The following TMEM266 variants were observed in gnomAD, a reference collection of about 807,000 sequenced individuals.
The protein encoded by TMEM266 is transmembrane protein 266.
Under a neutral mutation model 50.5 loss-of-function variants are expected in TMEM266, and 33 were observed. The ratio of observed to expected loss-of-function variants is 0.65; its 90% CI spans 0.50 to 0.87. The LOEUF is 0.87. Among genes scored for constraint, TMEM266 ranks in the 40% least tolerant of loss-of-function variants. TMEM266 has a pLI of 0.00. For synonymous variants in TMEM266, 310 were observed against 292.3 expected (o/e 1.06, Z -0.62); for missense variants, 655 against 695.1 (o/e 0.94, Z 0.65).
chr15:76,196,807 C>T (rs543546935), intron 9 of TMEM266, among the ~76,000 whole-genome samples: 11 of 152,292 alleles, frequency 7.2e-5, no homozygotes, highest in African/African-American at 1.2e-4. Context: ...AGTCAGACAA[C>T]GCCAAGCAGC....
intron 1 of TMEM266, among the ~76,000 whole-genome samples, chr15:76,095,043 G>A (rs1448983624): frequency 1.3e-5 from 2 of 151,994 alleles, no homozygotes; most frequent in African/African-American, 4.8e-5. Context: ...TAACTATACA[G>A]TCATGTCATC....
At chr15:76,080,186 G>T (rs2036665728) in intron 1 of TMEM266, among the ~76,000 whole-genome samples, 1 of 148,722 alleles carries the variant, frequency 6.7e-6, no homozygotes, top group Non-Finnish European at 1.5e-5. Context: ...GGCCAATGTG[G>T]TGAAACCCCG....
chr15:76,191,130 T>G (rs1298501155), intron 8 of TMEM266, among the ~76,000 whole-genome samples: 1 of 152,208 alleles, frequency 6.6e-6, no homozygotes, highest in Non-Finnish European at 1.5e-5. Context: ...TTAAAATGTG[T>G]GCAGCTTTTA....
At chr15:76,200,312 T>C (rs1228934769) in intron 9 of TMEM266, among the ~76,000 whole-genome samples, 2 of 152,184 alleles carry the variant, frequency 1.3e-5, no homozygotes, top group Non-Finnish European at 1.5e-5. Context: ...GCTGTGACTC[T>C]GTCACCTCTT....
chr15:76,202,901 GAATTTTTTGTTTTCCACAATTTAGTCT>G (rs371068795), intron 10 of TMEM266, among the ~76,000 whole-genome samples: 19 of 152,052 alleles, frequency 1.2e-4, no homozygotes, highest in African/African-American at 4.6e-4. Context: ...TAATGCATTT[GAATTTTTTGTTTTCCACAATTTAGTCT>G]CCCTAAGGCC....
intron 3 of TMEM266, among the ~76,000 whole-genome samples, chr15:76,152,502 A>G (rs1382733149): frequency 6.6e-6 from 1 of 152,046 alleles, no homozygotes; most frequent in Admixed American, 6.5e-5. Flanking sequence ...GTGGTGAGCT[A>G]TACCCCCTGC....
intron 4 of TMEM266, among the ~76,000 whole-genome samples, chr15:76,159,108 C>G (rs2037973550): frequency 5.9e-5 from 9 of 152,184 alleles, no homozygotes; most frequent in Admixed American, 5.9e-4. Context: ...AGCATTCCTG[C>G]CTCTCACCCC....
At chr15:76,171,278 C>G in intron 7 of TMEM266, 147 bp downstream of exon 7, 1 of 1,163,284 alleles carries the variant, frequency 8.6e-7, no homozygotes, top group Non-Finnish European at 1.2e-6. Flanking sequence ...GCCAGCTGTC[C>G]CTGCTCACTC....
In TMEM266 at chr15:76,160,222, G is replaced by A; in HGVS notation, c.456+54G>A. The A allele has an allele frequency of 1.3e-6, 2 of 1,524,986 alleles. No individual in the cohort carries two copies. Among genetic ancestry groups the A allele is most frequent in the Non-Finnish European group, 1.8e-6 (2 of 1,101,428 alleles). 94.5% of individuals were successfully genotyped at this position (1,524,986 alleles called of 1,614,324 possible). A position where few individuals can be genotyped will look rare whatever the true frequency, so the allele number is the denominator to read the frequency against. On this transcript the variant is annotated intron_variant, in intron 5 of 10. Coordinates refer to ENST00000388942, the MANE Select transcript of TMEM266 (RefSeq NM_152335.3). This position sits in a 1 kb window ranked among gnomAD's most constrained non-coding sequence, Gnocchi z 5.7. ...CCTCTGTTGGGTGACTCCTGTCCTGGGGAAACCAAGGTCTACTTCTCGAAA... is the reference window on the plus strand; with the variant it reads ...CCTCTGTTGGGTGACTCCTGTCCTGAGGAAACCAAGGTCTACTTCTCGAAA...
intron 9 of TMEM266, 64 bp from the exon 10 acceptor site, chr15:76,202,138 C>T (rs2038757987): frequency 1.4e-6 from 2 of 1,404,702 alleles, no homozygotes; most frequent in Middle Eastern, 1.8e-4. Context: ...GGGGTGGGGA[C>T]AGGAGTATAA....
At position 76,137,776 on chromosome 15, in the gene TMEM266, C is replaced by T; in HGVS notation, c.108C>T (p.Ser36=). ...AACAAGTAGACGAAGAAACCAAGAG[C>T]ATTGCTCCTGTGCAGCTGGTGAACT... Residue 36 remains serine (S), a synonymous_variant, in exon 3 of 11, where the codon AGC becomes AGT. Coordinates refer to ENST00000388942, the MANE Select transcript of TMEM266 (RefSeq NM_152335.3). The T allele has an allele frequency of 6.2e-7, 1 of 1,614,224 alleles. No homozygotes were observed. Among genetic ancestry groups the T allele is most frequent in the Non-Finnish European group, 8.5e-7 (1 of 1,180,040 alleles).
intron 9 of TMEM266, among the ~76,000 whole-genome samples, chr15:76,200,811 T>C (rs2038734119): frequency 6.6e-6 from 1 of 152,172 alleles, no homozygotes; most frequent in Non-Finnish European, 1.5e-5. Context: ...GAGCAGGGCC[T>C]GGAGCCAGCC....
chr15:76,202,352 C>A, intron 10 of TMEM266, 88 bp downstream of exon 10: 1 of 1,175,348 alleles, frequency 8.5e-7, no homozygotes, highest in Non-Finnish European at 1.2e-6. Flanking sequence ...TCAAAGCATG[C>A]CCATCACCTG....
At chr15:76,123,039 CA>C (rs58162218) in intron 1 of TMEM266, among the ~76,000 whole-genome samples, 3,781 of 152,264 alleles carry the variant, frequency 0.025, 163 homozygotes, top group African/African-American at 0.087. Context: ...CAGACTACAT[CA>C]CTAAGTAAGT....
At chr15:76,130,354 A>G (rs1033422360) in intron 1 of TMEM266, among the ~76,000 whole-genome samples, 5 of 150,916 alleles carry the variant, frequency 3.3e-5, no homozygotes, top group Non-Finnish European at 7.4e-5. Flanking sequence ...CCTGGCCAAC[A>G]TGGTGAAACC....
intron 3 of TMEM266, among the ~76,000 whole-genome samples, chr15:76,146,975 G>A (rs543755713): frequency 6.6e-6 from 1 of 152,378 alleles, no homozygotes; most frequent in East Asian, 1.9e-4. Context: ...GAACAGGGGT[G>A]TTGACTGATC....
chr15:76,163,221 G>A (rs957772952), intron 5 of TMEM266, among the ~76,000 whole-genome samples: 2 of 152,234 alleles, frequency 1.3e-5, no homozygotes, highest in African/African-American at 4.8e-5. Context: ...GAGCTCTGCA[G>A]GCTGCTCTGG....
intron 8 of TMEM266, among the ~76,000 whole-genome samples, chr15:76,189,366 A>G (rs137956577): frequency 4.9e-5 from 7 of 141,424 alleles, no homozygotes; most frequent in Middle Eastern, 3.7e-3. Context: ...GGGAGGGAGG[A>G]AGGAAGGAAG....
chr15:76,134,700 A>G (rs1255519797), intron 2 of TMEM266, among the ~76,000 whole-genome samples: 1 of 152,230 alleles, frequency 6.6e-6, no homozygotes, highest in Non-Finnish European at 1.5e-5. Flanking sequence ...AGATGAAAAC[A>G]GCACTCATTC....
Sources: allele counts gnomAD v4.1 joint callset (sites outside exome capture counted in the v4.1 genomes callset), GRCh38; gene constraint gnomAD v4.1.1; non-coding constraint Gnocchi (gnomAD v3.1); transcripts MANE v1.5; gene names NCBI Gene and HGNC (gene_info 2026-07-23, HGNC 2026-07-21).